The following CFAP95 variants were observed in gnomAD, a reference collection of about 807,000 sequenced individuals.
CFAP95 encodes the protein cilia and flagella associated protein 95, also known as cilia- and flagella-associated protein 95.
the CFAP95 span, among the ~76,000 whole-genome samples, chr9:69,841,806 T>G: frequency 7.9e-5 from 12 of 151,986 alleles, no homozygotes; most frequent in African/African-American, 2.7e-4. Context: ...GAACTCTCCT[T>G]TATAAAACCA....
the CFAP95 span, among the ~76,000 whole-genome samples, chr9:69,855,625 G>A: frequency 6.6e-6 from 1 of 152,168 alleles, no homozygotes; most frequent in East Asian, 1.9e-4. Context: ...AGTGCTCTGA[G>A]AAGCCAAGGA....
chr9:69,844,850 A>G, the CFAP95 span, among the ~76,000 whole-genome samples: 2 of 152,360 alleles, frequency 1.3e-5, no homozygotes, highest in African/African-American at 2.4e-5. Context: ...AGTATGTGGC[A>G]TGGTGCCTGG....
the CFAP95 span, chr9:69,902,338 A>G: frequency 6.6e-6 from 3 of 454,366 alleles, no homozygotes; most frequent in South Asian, 4.7e-5. Flanking sequence ...CATTTGGAGA[A>G]CTCTATAATC....
At chr9:69,828,729 A>G in the CFAP95 span, among the ~76,000 whole-genome samples, 2 of 152,192 alleles carry the variant, frequency 1.3e-5, no homozygotes. Flanking sequence ...GTCTATATGC[A>G]CTGAAAAGAG....
chr9:69,894,154 T>C, the CFAP95 span, among the ~76,000 whole-genome samples: 2 of 152,340 alleles, frequency 1.3e-5, no homozygotes, highest in East Asian at 3.9e-4. Context: ...CATACATATG[T>C]GTGCTGACCT....
chr9:69,821,149 G>C, the CFAP95 span: 1 of 1,162,840 alleles, frequency 8.6e-7, no homozygotes, highest in Non-Finnish European at 1.2e-6. Context: ...GACGACAGAG[G>C]AAACGGAAAA....
At chr9:69,843,707 C>CAATCATGG in the CFAP95 span, among the ~76,000 whole-genome samples, 1 of 148,970 alleles carries the variant, frequency 6.7e-6, no homozygotes, top group Non-Finnish European at 1.5e-5. Flanking sequence ...TTCAGTGGCA[C>CAATCATGG]AATCATGGCT....
chr9:69,824,854 A>G, the CFAP95 span, among the ~76,000 whole-genome samples: 1 of 152,222 alleles, frequency 6.6e-6, no homozygotes, highest in African/African-American at 2.4e-5. Flanking sequence ...GTATTTCTGT[A>G]TTTGCTAATT....
chr9:69,859,746 T>C, the CFAP95 span, among the ~76,000 whole-genome samples: 1 of 152,344 alleles, frequency 6.6e-6, no homozygotes, highest in East Asian at 1.9e-4. Context: ...GTGAACATCA[T>C]AGAGTGTACT....
the CFAP95 span, among the ~76,000 whole-genome samples, chr9:69,841,164 T>TTATATATATATATATATA: frequency 0.032 from 1,753 of 54,956 alleles, 118 homozygotes; most frequent in Middle Eastern, 0.048. Flanking sequence ...CCAAGCTGGA[T>TTATATATATATATATATA]TATATATATA....
chr9:69,896,750 C>T, the CFAP95 span, among the ~76,000 whole-genome samples: 10 of 152,090 alleles, frequency 6.6e-5, no homozygotes, highest in South Asian at 4.2e-4. Context: ...TGGCCAGGTG[C>T]GGTGGCTCAC....
chr9:69,890,409 T>C, the CFAP95 span, among the ~76,000 whole-genome samples: 2 of 152,236 alleles, frequency 1.3e-5, no homozygotes, highest in African/African-American at 4.8e-5. Flanking sequence ...AAGCAATTGA[T>C]TTTGAGGCAC....
At chr9:69,856,920 G>GTTTTTTTTTTTTTTTTTTT in the CFAP95 span, among the ~76,000 whole-genome samples, 1 of 125,938 alleles carries the variant, frequency 7.9e-6, no homozygotes. Flanking sequence ...CTTTATATGT[G>GTTTTTTTTTTTTTTTTTTT]TTTTTTTTTT....
chr9:69,856,165 AATG>A, the CFAP95 span, among the ~76,000 whole-genome samples: 1 of 152,150 alleles, frequency 6.6e-6, no homozygotes, highest in Non-Finnish European at 1.5e-5. Flanking sequence ...AGTGAATAAT[AATG>A]ATGATGATGA....
the CFAP95 span, chr9:69,884,775 T>C: frequency 6.6e-6 from 1 of 152,160 alleles, no homozygotes; most frequent in Non-Finnish European, 1.5e-5. Flanking sequence ...TTTATTTTTA[T>C]GATTTTAATT....
chr9:69,853,656 G>C, the CFAP95 span, among the ~76,000 whole-genome samples: 2 of 152,158 alleles, frequency 1.3e-5, no homozygotes, highest in South Asian at 4.1e-4. Flanking sequence ...CTGCACCAAA[G>C]TGATTTTTTC....
the CFAP95 span, among the ~76,000 whole-genome samples, chr9:69,866,577 G>A: frequency 6.6e-6 from 1 of 152,188 alleles, no homozygotes; most frequent in African/African-American, 2.4e-5. Context: ...ATTGGATGAT[G>A]CCTACCTACA....
At chr9:69,852,167 T>A in the CFAP95 span, among the ~76,000 whole-genome samples, 7,387 of 144,692 alleles carry the variant, frequency 0.051, 537 homozygotes, top group African/African-American at 0.17. Context: ...TTGTATATAT[T>A]TTTTTTTTTT....
At chr9:69,886,705 TG>T in the CFAP95 span, 1 of 631,842 alleles carries the variant, frequency 1.6e-6, no homozygotes, top group Non-Finnish European at 2.8e-6. Flanking sequence ...GGGACAGTTG[TG>T]GGGTTTTAAA....
Sources: gnomAD v4.1 joint callset for allele counts (sites outside exome capture counted in the v4.1 genomes callset) on GRCh38, gnomAD v4.1.1 for gene constraint, MANE v1.5 for transcripts, NCBI Gene and HGNC (gene_info 2026-07-23, HGNC 2026-07-21) for gene names.